Variants in NEDD4 observed in about 807,000 individuals in gnomAD.
NEDD4 encodes the protein E3 ubiquitin-protein ligase NEDD4.
NEDD4 carries 99 observed loss-of-function variants against 144.9 expected under a neutral mutation model. The ratio of observed to expected loss-of-function variants is 0.68; its 90% CI spans 0.58 to 0.81. NEDD4 has a LOEUF of 0.81. Among genes scored for constraint, NEDD4 ranks in the 30% least tolerant of loss-of-function variants. The pLI, the probability that NEDD4 is intolerant of heterozygous loss-of-function variation, is 0.00. For synonymous variants in NEDD4, 318 were observed against 350.6 expected (o/e 0.91, Z 1.04); for missense variants, 985 against 1,065.9 (o/e 0.92, Z 1.06).
At chr15:55,836,779 C>T (rs1427493251) in intron 24 of NEDD4, among the ~76,000 whole-genome samples, 4 of 152,108 alleles carry the variant, frequency 2.6e-5, no homozygotes, top group Non-Finnish European at 4.4e-5. Context: ...CTGCCCACCT[C>T]GGACTCCCAA....
intron 12 of NEDD4, among the ~76,000 whole-genome samples, chr15:55,855,538 A>T (rs537245160): frequency 8.7e-4 from 133 of 152,298 alleles, no homozygotes; most frequent in South Asian, 4.2e-4. Context: ...ACAGAGACAA[A>T]CTCAGTAGTG....
At chr15:55,962,356 C>T (rs905075365) in intron 2 of NEDD4, among the ~76,000 whole-genome samples, 1 of 152,096 alleles carries the variant, frequency 6.6e-6, no homozygotes, top group Non-Finnish European at 1.5e-5. Flanking sequence ...TTATTTTAAT[C>T]CATTAATGTT....
rs543424628 is a variant in NEDD4 at position 55,827,077 on chromosome 15, T to C, written c.*2820A>G. 2.2e-4 allele frequency: 33 copies of C among 152,346 alleles called. No individual in the cohort carries two copies. The highest frequency in any genetic ancestry group is 7.7e-4 in the African/African-American group (32 of 41,582). The allele number at this position is 152,346 out of a possible 1,614,324, so 9.4% of individuals were successfully genotyped here. A position where few individuals can be genotyped will look rare whatever the true frequency, so the allele number is the denominator to read the frequency against. The stretch of plus-strand genomic sequence containing the variant: ...TTTTAAAAAGTCAAATAGTTTATAA[T>C]CAAAATGAATTGTGTTTAACTTGAT... On this transcript the variant is annotated 3_prime_UTR_variant, in exon 29 of 29. Coordinates refer to ENST00000435532, the MANE Select transcript of NEDD4 (RefSeq NM_006154.4).
chr15:55,910,957 C>G (rs1261855699), intron 5 of NEDD4, among the ~76,000 whole-genome samples: 1 of 152,174 alleles, frequency 6.6e-6, no homozygotes, highest in African/African-American at 2.4e-5. Context: ...CAGCCGAAGA[C>G]CCCCTTCTTT....
rs552857277 is a variant in NEDD4, at chr15:55,988,952, T to C, written c.45+4559A>G. On this transcript the variant is annotated intron_variant, in intron 1 of 28. Transcript: ENST00000435532. ...CTGATGGTTTAAAATAATTTTAAAA[T>C]AGGACGGGCGCGGTGCCTCACGCCT... Among the ~76,000 whole-genome samples the C allele has an allele frequency of 1.1e-4, 16 of 152,306 alleles. 1 individual carries two copies. The highest frequency in any genetic ancestry group is 4.6e-4 in the Admixed American group (7 of 15,302).
At chr15:55,859,402 TA>T (rs2034315729) in intron 11 of NEDD4, among the ~76,000 whole-genome samples, 13 of 152,118 alleles carry the variant, frequency 8.5e-5, no homozygotes, top group Admixed American at 8.5e-4. Context: ...GATATAATGT[TA>T]AAACTTCAGG....
At position 55,938,632 on chromosome 15, in the gene NEDD4, G is replaced by A. The variant is rs114991606; in HGVS notation, c.237+12744C>T. ...AAGTGCAGCTACATTTAACTAAAAA[G>A]CTATATGACAAAAGAAACAATCAAC... On this transcript the variant is annotated intron_variant, in intron 4 of 28. Coordinates refer to ENST00000435532, the MANE Select transcript of NEDD4 (RefSeq NM_006154.4). 3.3e-3 allele frequency among the ~76,000 whole-genome samples: 503 copies of A among 152,136 alleles called. 3 individuals are homozygous for A. The highest frequency in any genetic ancestry group is 0.012 in the African/African-American group (480 of 41,520).
chr15:55,956,460 T>C (rs935393414), intron 2 of NEDD4, among the ~76,000 whole-genome samples: 1 of 152,204 alleles, frequency 6.6e-6, no homozygotes, highest in Admixed American at 6.5e-5. Flanking sequence ...ATTTTCTGTA[T>C]GATGTGTGGT....
chr15:55,911,195 T>G (rs919760567), intron 5 of NEDD4, among the ~76,000 whole-genome samples: 13 of 152,158 alleles, frequency 8.5e-5, no homozygotes, highest in African/African-American at 3.1e-4. Context: ...CTGGGGACAC[T>G]TTTTGATTGT....
intron 5 of NEDD4, among the ~76,000 whole-genome samples, chr15:55,908,612 GACCTACTGA>G (rs2036175561): frequency 6.6e-6 from 1 of 152,148 alleles, no homozygotes; most frequent in Non-Finnish European, 1.5e-5. Flanking sequence ...CCCATTCTGA[GACCTACTGA>G]ACCAGAACCA....
intron 5 of NEDD4, among the ~76,000 whole-genome samples, chr15:55,901,186 T>C (rs1036280225): frequency 1.1e-4 from 17 of 152,162 alleles, no homozygotes; most frequent in Admixed American, 9.2e-4. Flanking sequence ...CTCAAGCATT[T>C]ATCCTTTGTG....
intron 2 of NEDD4, among the ~76,000 whole-genome samples, chr15:55,956,162 G>A (rs1442881095): frequency 6.6e-6 from 1 of 152,044 alleles, no homozygotes; most frequent in Non-Finnish European, 1.5e-5. Flanking sequence ...CATAGTAGGT[G>A]TATGTATTTA....
intron 1 of NEDD4, among the ~76,000 whole-genome samples, chr15:55,980,590 A>G (rs1187935374): frequency 3.9e-5 from 6 of 152,212 alleles, no homozygotes. Flanking sequence ...AGAAAACAAG[A>G]AATTAAAGAA....
chr15:55,979,266 C>G (rs1216963652), intron 1 of NEDD4, among the ~76,000 whole-genome samples: 2 of 149,218 alleles, frequency 1.3e-5, no homozygotes, highest in Non-Finnish European at 3.0e-5. Flanking sequence ...TGTAAAAGCA[C>G]ACACAGAAAG....
intron 5 of NEDD4, among the ~76,000 whole-genome samples, chr15:55,886,821 A>T (rs2142107741): frequency 6.6e-6 from 1 of 152,242 alleles, no homozygotes; most frequent in African/African-American, 2.4e-5. Context: ...GAATAAAACT[A>T]GAAATAAATA....
At chr15:55,927,077 C>CAAAAAAAAAAAAAAAAGAAAAA (rs2036683695) in intron 4 of NEDD4, among the ~76,000 whole-genome samples, 1 of 70,668 alleles carries the variant, frequency 1.4e-5, no homozygotes. Context: ...GACTACGTCT[C>CAAAAAAAAAAAAAAAAGAAAAA]AAAAAAAAAA....
rs751934031 is a variant in NEDD4 at position 55,860,418 on chromosome 15, C to T, written c.949G>A (p.Ala317Thr). The change falls in exon 11 of 29, where the codon GCA (alanine) becomes ACA (threonine). Residue 317 changes from alanine to threonine, a missense_variant. By Grantham distance (58) the Ala-to-Thr change is moderately conservative. Coordinates refer to ENST00000435532, the MANE Select transcript of NEDD4 (RefSeq NM_006154.4). Reference sequence around the variant, plus strand: ...TAAGAGCATCTTACTGAGCTCGATGCTGGCTGGCTCACGGCTGAATTTCCA... The same window carrying T: ...TAAGAGCATCTTACTGAGCTCGATGTTGGCTGGCTCACGGCTGAATTTCCA... ...IFGNSAVSQP[A>T]SSSNHSSRRG... 8 of 1,613,802 alleles carry T rather than the reference C, an allele frequency of 5.0e-6. No homozygotes were observed. Among genetic ancestry groups the T allele is most frequent in the Non-Finnish European group, 6.8e-6 (8 of 1,179,866 alleles).
chr15:55,932,138 G>A (rs1195873209), intron 4 of NEDD4, among the ~76,000 whole-genome samples: 8 of 152,094 alleles, frequency 5.3e-5, no homozygotes, highest in Non-Finnish European at 7.4e-5. Context: ...TCATGGGGGC[G>A]GTTACCTGCA....
intron 5 of NEDD4, among the ~76,000 whole-genome samples, chr15:55,897,269 G>A (rs547302955): frequency 1.2e-4 from 18 of 152,256 alleles, no homozygotes; most frequent in Admixed American, 2.0e-4. Context: ...CACTGCGCCC[G>A]GCCGATATGG....
Sources: gnomAD v4.1 joint callset for allele counts (sites outside exome capture counted in the v4.1 genomes callset) on GRCh38, gnomAD v4.1.1 for gene constraint, MANE v1.5 for transcripts, NCBI Gene and HGNC (gene_info 2026-07-23, HGNC 2026-07-21) for gene names.